Variants in HOOK3 observed in about 807,000 individuals in gnomAD.
The protein encoded by HOOK3 is protein Hook homolog 3.
A neutral mutation model predicts 116.3 loss-of-function variants in HOOK3; 24 were observed. That is an observed-to-expected ratio of 0.21 (90% CI 0.15 to 0.29). The LOEUF (loss-of-function observed/expected upper bound fraction) is 0.29, where lower values mean the gene tolerates loss of function less well. Ranked by LOEUF, HOOK3 falls within the 10% of genes least tolerant of loss-of-function variation. The pLI, the probability that HOOK3 is intolerant of heterozygous loss-of-function variation, is 1.00. For missense variants in HOOK3, 632 were observed against 830.2 expected, an observed-to-expected ratio of 0.76 and a Z score of 2.93; for synonymous variants, 275 against 283.0, an observed-to-expected ratio of 0.97 and a Z score of 0.28.
chr8:42,956,951 T>C, intron 6 of HOOK3, 143 bp from the exon 7 acceptor site: 4 of 436,468 alleles, frequency 9.2e-6, no homozygotes, highest in Non-Finnish European at 1.6e-5. Context: ...TCAGAAGCTT[T>C]AATGCAAAGT....
At chr8:42,951,650 A>G (rs1808346861) in intron 6 of HOOK3, among the ~76,000 whole-genome samples, 1 of 152,162 alleles carries the variant, frequency 6.6e-6, no homozygotes, top group Admixed American at 6.5e-5. Context: ...ATAGAAAAAT[A>G]CAGAAGACAG....
rs139431728 is a variant in HOOK3, at chr8:42,927,551, C to T, written c.216+1922C>T. ...GTTTACAGGCGTGAGCCACTGTGCCCGGCCGGCCCTGTTTTAATTTCTAAA... is the reference window on the plus strand; with the variant it reads ...GTTTACAGGCGTGAGCCACTGTGCCTGGCCGGCCCTGTTTTAATTTCTAAA... On this transcript the variant is annotated intron_variant, in intron 3 of 21. Transcript: ENST00000307602. 9.2e-5 allele frequency among the ~76,000 whole-genome samples: 14 copies of T among 152,186 alleles called. No homozygotes were observed. In the East Asian group the frequency reaches 2.1e-3, roughly 23 times the overall value.
Position 42,942,260 on chromosome 8 carries a change from TAAAG to T in HOOK3, c.268-1045_268-1042del, listed in dbSNP as rs560628429. Among the ~76,000 whole-genome samples, 289 of 152,198 alleles carry T rather than the reference TAAAG, an allele frequency of 1.9e-3. 1 individual carries two copies. Among genetic ancestry groups the T allele is most frequent in the Non-Finnish European group, 2.9e-3 (197 of 68,004 alleles). ...AGAGTGAAACTCCATCTCAAAAAAA[TAAAG>T]AAAGAAAAAGTAAAATACCAGTCCC... On this transcript the variant is annotated intron_variant, in intron 4 of 21. Transcript: ENST00000307602.
rs1810002059 is a variant in HOOK3 at position 43,030,069 on chromosome 8, C to T, written c.*11571C>T. 4.7e-6 allele frequency: 1 copy of T among 211,526 alleles called. No homozygotes were observed. Among genetic ancestry groups the T allele is most frequent in the Non-Finnish European group, 9.6e-6 (1 of 104,618 alleles). The allele number at this position is 211,526 out of a possible 1,614,324, so 13.1% of individuals were successfully genotyped here. A position where few individuals can be genotyped will look rare whatever the true frequency, so the allele number is the denominator to read the frequency against. ...ACATCAGACTTGGAACTTCTCACTT[C>T]AAAAATGAAATACAGATTTAGCAGT... On this transcript the variant is annotated 3_prime_UTR_variant, in exon 22 of 22. Transcript: ENST00000307602.
At position 43,029,700 on chromosome 8, in the gene HOOK3, T is replaced by C. The variant is rs1809996692; in HGVS notation, c.*11202T>C. On this transcript the variant is annotated 3_prime_UTR_variant, in exon 22 of 22. Transcript: ENST00000307602. ...TATCTAATAATAATTTGCCTTAGTT[T>C]GATTAATAAATTATATCAAAAAACT... is the stretch of plus-strand genomic sequence containing the variant. 1.5e-5 allele frequency: 3 copies of C among 195,968 alleles called. No individual in the cohort carries two copies. Among genetic ancestry groups the C allele is most frequent in the Admixed American group, 6.1e-5 (1 of 16,528 alleles). The allele number at this position is 195,968 out of a possible 1,614,324, so 12.1% of individuals were successfully genotyped here. A position where few individuals can be genotyped will look rare whatever the true frequency, so the allele number is the denominator to read the frequency against.
chr8:43,012,996 G>GT, intron 19 of HOOK3, 55 bp from the exon 20 acceptor site: 1 of 1,026,576 alleles, frequency 9.7e-7, no homozygotes, highest in Non-Finnish European at 1.4e-6. Context: ...TTTCTTAAAC[G>GT]TTACATTCTT....
In HOOK3 at chr8:43,014,975, C is replaced by T. The variant is rs944947444; in HGVS notation, c.2016+1575C>T. Among the ~76,000 whole-genome samples the T allele has an allele frequency of 6.0e-5, 9 of 151,108 alleles. No homozygotes were observed. In the East Asian group the frequency reaches 1.4e-3, roughly 23 times the overall value. ...GCCTGGCCACAACATGGTAAAACCC[C>T]GTCTCTACTAAAAATACAAAAATTA... On this transcript the variant is annotated intron_variant, in intron 21 of 21. Coordinates refer to ENST00000307602, the MANE Select transcript of HOOK3 (RefSeq NM_032410.4).
chr8:42,960,268 G>T (rs867281856), intron 8 of HOOK3, among the ~76,000 whole-genome samples: 1 of 152,124 alleles, frequency 6.6e-6, no homozygotes, highest in African/African-American at 2.4e-5. Flanking sequence ...CTGCTTTCAG[G>T]CTTCAATGAC....
At chr8:42,897,248 TC>T in intron 1 of HOOK3, 60 bp downstream of exon 1, 1 of 1,132,604 alleles carries the variant, frequency 8.8e-7, no homozygotes, top group Non-Finnish European at 1.1e-6. Context: ...ACCGGGACCC[TC>T]CACGCGCGGC....
chr8:42,959,141 G>A (rs925761828), intron 7 of HOOK3, 90 bp from the exon 8 acceptor site: 3 of 796,394 alleles, frequency 3.8e-6, no homozygotes, highest in Non-Finnish European at 6.2e-6. Flanking sequence ...GGAAAGACAG[G>A]GGGGAGATGT....
At chr8:42,951,681 A>C (rs555242061) in intron 6 of HOOK3, among the ~76,000 whole-genome samples, 14 of 152,090 alleles carry the variant, frequency 9.2e-5, no homozygotes, top group Non-Finnish European at 1.9e-4. Context: ...GTGGCCTCAC[A>C]CCTGTAATCC....
rs567224415 is a variant in HOOK3, at chr8:42,940,155, G to A, written c.268-3158G>A. Reference sequence around the variant, plus strand: ...GCCGCCGGGAGGTGGAGGCTGCAGCGAGCTGAGATCACGCCACTGCACTCC... The same window carrying A: ...GCCGCCGGGAGGTGGAGGCTGCAGCAAGCTGAGATCACGCCACTGCACTCC... On this transcript the variant is annotated intron_variant, in intron 4 of 21. Transcript: ENST00000307602. Among the ~76,000 whole-genome samples, 8 of 152,352 alleles carry A rather than the reference G, an allele frequency of 5.3e-5. No homozygotes were observed. In the East Asian group the frequency reaches 9.6e-4, roughly 18 times the overall value.
In HOOK3 at chr8:42,962,330, G is replaced by A. The variant is rs994601610; in HGVS notation, c.616-1981G>A. 4.2e-5 allele frequency among the ~76,000 whole-genome samples: 6 copies of A among 143,822 alleles called. No homozygotes were observed. The East Asian group carries it at 6.0e-4, about 14-fold the overall frequency. The allele number at this position is 143,822 out of a possible 152,430, so 94.4% of individuals were successfully genotyped here. ...TACCCAGGCTGGTCTCAAAACTCCT[G>A]GCCCCAAGCAGTCCTACCAACTTGG... On this transcript the variant is annotated intron_variant, in intron 8 of 21. Coordinates refer to ENST00000307602, the MANE Select transcript of HOOK3 (RefSeq NM_032410.4).
At position 42,897,059 on chromosome 8, in the gene HOOK3, C is replaced by T. The variant is rs1174305501; in HGVS notation, c.-73C>T. On this transcript the variant is annotated 5_prime_UTR_variant, in exon 1 of 22. Transcript: ENST00000307602. ...CCTGAGGCCGAGTCAGCTGCGCGGG[C>T]CCCCGGATCCCCCGACAGAGCGGCG... The T allele has an allele frequency of 5.3e-6, 6 of 1,125,400 alleles. No individual in the cohort carries two copies. In the East Asian group the frequency reaches 9.7e-5, roughly 18 times the overall value. 69.7% of individuals were successfully genotyped at this position (1,125,400 alleles called of 1,614,324 possible). A position where few individuals can be genotyped will look rare whatever the true frequency, so the allele number is the denominator to read the frequency against.
In HOOK3 at chr8:43,025,562, C is replaced by G. The variant is rs148833898; in HGVS notation, c.*7064C>G. Reference sequence around the variant, plus strand: ...TCTAATTTATTTTCTAATTGTCCTTCCCTTCATTGAGTATTAACTAGGTGC... The same window carrying G: ...TCTAATTTATTTTCTAATTGTCCTTGCCTTCATTGAGTATTAACTAGGTGC... On this transcript the variant is annotated 3_prime_UTR_variant, in exon 22 of 22. Coordinates refer to ENST00000307602, the MANE Select transcript of HOOK3 (RefSeq NM_032410.4). The G allele has an allele frequency of 1.3e-3, 267 of 211,046 alleles. No individual in the cohort carries two copies. Among genetic ancestry groups the G allele is most frequent in the African/African-American group, 5.6e-3 (249 of 44,244 alleles). 13.1% of individuals were successfully genotyped at this position (211,046 alleles called of 1,614,324 possible). A position where few individuals can be genotyped will look rare whatever the true frequency, so the allele number is the denominator to read the frequency against.
At chr8:42,960,507 A>C (rs1234062351) in intron 8 of HOOK3, among the ~76,000 whole-genome samples, 1 of 152,228 alleles carries the variant, frequency 6.6e-6, no homozygotes, top group Admixed American at 6.5e-5. Context: ...TAGAATTCCT[A>C]CAGAGAAACA....
At chr8:42,951,066 A>G (rs1808335778) in intron 6 of HOOK3, among the ~76,000 whole-genome samples, 1 of 151,504 alleles carries the variant, frequency 6.6e-6, no homozygotes, top group Non-Finnish European at 1.5e-5. Flanking sequence ...AATAATATCT[A>G]TTATTTATTT....
chr8:42,943,291 T>C, intron 4 of HOOK3, 22 bp from the exon 5 acceptor site: 1 of 1,403,276 alleles, frequency 7.1e-7, no homozygotes, highest in South Asian at 1.7e-5. Flanking sequence ...AATGCAATTA[T>C]AATCCTTTTA....
At position 43,023,466 on chromosome 8, in the gene HOOK3, TCCTTC is replaced by T. The variant is rs1280143736; in HGVS notation, c.*4981_*4985del. On this transcript the variant is annotated 3_prime_UTR_variant, in exon 22 of 22. Transcript: ENST00000307602. ...TTCTTTTCTTTTCTCCCTCCTTTCT[TCCTTC>T]CCTTCCCTTCCCCTCCCCTCCCCCA... is the stretch of plus-strand genomic sequence containing the variant. 1.2e-5 allele frequency: 2 copies of T among 167,956 alleles called. No individual in the cohort carries two copies. The highest frequency in any genetic ancestry group is 2.0e-4 in the South Asian group (1 of 4,900). 10.4% of individuals were successfully genotyped at this position (167,956 alleles called of 1,614,324 possible).
Sources: allele counts gnomAD v4.1 joint callset (sites outside exome capture counted in the v4.1 genomes callset), GRCh38; gene constraint gnomAD v4.1.1; transcripts MANE v1.5; gene names NCBI Gene and HGNC (gene_info 2026-07-23, HGNC 2026-07-21).